Variants in CHST3 observed in about 807,000 individuals in gnomAD.
CHST3 encodes the protein C6ST-1.
Under a neutral mutation model 35.4 loss-of-function variants are expected in CHST3, and 20 were observed. The observed-to-expected ratio is 0.57, with a 90% CI of 0.40 to 0.82. The LOEUF is 0.82. Among genes scored for constraint, CHST3 ranks in the 40% least tolerant of loss-of-function variants. CHST3 has a pLI of 0.00. For synonymous variants in CHST3, 334 were observed against 295.9 expected, an observed-to-expected ratio of 1.13 and a Z score of -1.32; for missense variants, 693 against 670.1, an observed-to-expected ratio of 1.03 and a Z score of -0.38.
At chr10:71,992,817 C>T (rs952979587) in intron 1 of CHST3, among the ~76,000 whole-genome samples, 3 of 86,276 alleles carry the variant, frequency 3.5e-5, no homozygotes, top group African/African-American at 5.9e-5. Flanking sequence ...TCCGCCACCA[C>T]GCTTGGCTAA....
At chr10:71,991,435 C>A (rs1839895700) in intron 1 of CHST3, among the ~76,000 whole-genome samples, 1 of 152,188 alleles carries the variant, frequency 6.6e-6, no homozygotes, top group Non-Finnish European at 1.5e-5. Context: ...ATTATGTTCA[C>A]TCCAGACACA....
Position 72,012,256 on chromosome 10 carries a change from G to A in CHST3, c.*3785G>A, listed in dbSNP as rs1871450. The A allele has an allele frequency of 0.39, 59,481 of 151,996 alleles. 12,250 individuals carry two copies. Among genetic ancestry groups the A allele is most frequent in the Non-Finnish European group, 0.47 (32,186 of 68,000 alleles). 9.4% of individuals were successfully genotyped at this position (151,996 alleles called of 1,614,324 possible). A position where few individuals can be genotyped will look rare whatever the true frequency, so the allele number is the denominator to read the frequency against. ...GCAATGGAAGGAGCTTCAGCAGGAGGTCCTTCCCAGAAGGTTGATTCTTGG... is the reference window on the plus strand; with the variant it reads ...GCAATGGAAGGAGCTTCAGCAGGAGATCCTTCCCAGAAGGTTGATTCTTGG... On this transcript the variant is annotated 3_prime_UTR_variant, in exon 3 of 3. Transcript: ENST00000373115.
At chr10:71,976,889 A>G (rs1179801727) in intron 1 of CHST3, among the ~76,000 whole-genome samples, 3 of 152,230 alleles carry the variant, frequency 2.0e-5, no homozygotes, top group African/African-American at 4.8e-5. Flanking sequence ...AATCAATAAT[A>G]CATGTCCATG....
chr10:71,965,024 C>T (rs1282121232), intron 1 of CHST3, among the ~76,000 whole-genome samples: 8 of 152,198 alleles, frequency 5.3e-5, no homozygotes. Flanking sequence ...GGGATTTGGC[C>T]TCTACAGCAG....
In CHST3 at chr10:71,995,421, C is replaced by CA. The variant is rs35954993; in HGVS notation, c.-107-10296dup. On this transcript the variant is annotated intron_variant, in intron 1 of 2. Coordinates refer to ENST00000373115, the MANE Select transcript of CHST3 (RefSeq NM_004273.5). ...GCCTGGGCAGAGCGAGAGTCTGTCT[C>CA]AAAAAAAAAAAAAAAAAAAGAATTT... Among the ~76,000 whole-genome samples the CA allele has an allele frequency of 2.2e-3, 267 of 120,156 alleles. 1 individual carries two copies. Among genetic ancestry groups the CA allele is most frequent in the South Asian group, 9.0e-3 (31 of 3,462 alleles). 78.8% of individuals were successfully genotyped at this position (120,156 alleles called of 152,430 possible).
At chr10:71,965,431 C>T (rs549027920) in intron 1 of CHST3, among the ~76,000 whole-genome samples, 1 of 152,276 alleles carries the variant, frequency 6.6e-6, no homozygotes, top group South Asian at 2.1e-4. Flanking sequence ...AGGGACCCTT[C>T]CCCCCAGCGG....
intron 1 of CHST3, among the ~76,000 whole-genome samples, chr10:72,000,118 C>A (rs1042423531): frequency 7.2e-5 from 11 of 152,180 alleles, no homozygotes; most frequent in Non-Finnish European, 1.5e-4. Context: ...CACAGCCACT[C>A]ATGTATGGAG....
At chr10:71,979,031 T>TC (rs776114818) in intron 1 of CHST3, among the ~76,000 whole-genome samples, 3 of 152,206 alleles carry the variant, frequency 2.0e-5, no homozygotes, top group Non-Finnish European at 4.4e-5. Context: ...CCTGCATCCT[T>TC]CCTTCCTTTC....
At chr10:71,992,658 CTT>C (rs57408244) in intron 1 of CHST3, among the ~76,000 whole-genome samples, 15,767 of 111,426 alleles carry the variant, frequency 0.14, 2,171 homozygotes, top group African/African-American at 0.43. Flanking sequence ...ATGGAATATT[CTT>C]TTTTTTTTTT....
chr10:71,993,416 C>T (rs1839914859), intron 1 of CHST3, among the ~76,000 whole-genome samples: 1 of 152,252 alleles, frequency 6.6e-6, no homozygotes, highest in South Asian at 2.1e-4. Context: ...CCACTGAAGT[C>T]TTAAACCCCT....
chr10:71,965,645 G>T (rs933451052), intron 1 of CHST3, among the ~76,000 whole-genome samples: 1 of 152,234 alleles, frequency 6.6e-6, no homozygotes, highest in African/African-American at 2.4e-5. Flanking sequence ...AGGATGTACG[G>T]GGGATTGTCC....
intron 1 of CHST3, among the ~76,000 whole-genome samples, chr10:71,999,159 T>C (rs1218736510): frequency 6.6e-6 from 1 of 152,134 alleles, no homozygotes; most frequent in African/African-American, 2.4e-5. Context: ...ACCAAGGCAG[T>C]TGACATTGTG....
At chr10:71,998,503 C>T (rs1397452412) in intron 1 of CHST3, among the ~76,000 whole-genome samples, 2 of 152,204 alleles carry the variant, frequency 1.3e-5, no homozygotes, top group Non-Finnish European at 2.9e-5. Context: ...ACCTCTCCAA[C>T]CTGAGGTCCT....
chr10:72,007,530 C>A lies in CHST3; in HGVS notation c.499C>A (p.His167Asn). 1 of 1,604,622 alleles carries A rather than the reference C, an allele frequency of 6.2e-7. No homozygotes were observed. Among genetic ancestry groups the A allele is most frequent in the Non-Finnish European group, 8.5e-7 (1 of 1,179,786 alleles). ...CTTCTACCTCTTCGAGCCGCTGTGGCACATCGAGCGCACAGTGTCCTTCGA... is the reference window on the plus strand; with the variant it reads ...CTTCTACCTCTTCGAGCCGCTGTGGAACATCGAGCGCACAGTGTCCTTCGA... ...NIFYLFEPLW[H>N]IERTVSFEPG... The change falls in exon 3 of 3, where the codon CAC becomes AAC. Residue 167 changes from histidine (H) to asparagine (N), a missense_variant. Transcript: ENST00000373115.
intron 1 of CHST3, among the ~76,000 whole-genome samples, chr10:71,990,395 C>T (rs1480928708): frequency 1.3e-5 from 2 of 151,828 alleles, no homozygotes; most frequent in Non-Finnish European, 2.9e-5. Context: ...CGGAGTTTTG[C>T]TCTTGTTGCC....
Position 72,007,579 on chromosome 10 carries a change from G to C in CHST3, c.548G>C (p.Gly183Ala). ...SFEPGGANAA[G>A]SALVYRDVLK... ...GAGCCGGGGGGCGCCAACGCCGCGG[G>C]CTCGGCCCTGGTGTACCGCGACGTG... The change falls in exon 3 of 3, where the codon GGC becomes GCC. Residue 183 changes from glycine (G) to alanine (A), a missense_variant. By Grantham distance (60) the Gly-to-Ala change is moderately conservative. Transcript: ENST00000373115. 1 of 1,608,502 alleles carries C rather than the reference G, an allele frequency of 6.2e-7. No homozygotes were observed. The highest frequency in any genetic ancestry group is 8.5e-7 in the Non-Finnish European group (1 of 1,179,768).
At chr10:71,990,369 C>CT (rs138507392) in intron 1 of CHST3, among the ~76,000 whole-genome samples, 1,480 of 146,676 alleles carry the variant, frequency 0.01, 30 homozygotes, top group African/African-American at 0.032. Context: ...AATAATTTTT[C>CT]TTTTTTTTTT....
At chr10:72,002,870 G>C (rs919469710) in intron 1 of CHST3, among the ~76,000 whole-genome samples, 1 of 152,158 alleles carries the variant, frequency 6.6e-6, no homozygotes, top group Admixed American at 6.5e-5. Context: ...TTGGACAGCT[G>C]GTCTGTGCCA....
At chr10:71,983,730 C>T (rs751337146) in intron 1 of CHST3, among the ~76,000 whole-genome samples, 1 of 152,178 alleles carries the variant, frequency 6.6e-6, no homozygotes, top group African/African-American at 2.4e-5. Context: ...GGATTACAGG[C>T]GTGAGCCACT....
Sources: gnomAD v4.1 joint callset for allele counts (sites outside exome capture counted in the v4.1 genomes callset) on GRCh38, gnomAD v4.1.1 for gene constraint, MANE v1.5 for transcripts, NCBI Gene and HGNC (gene_info 2026-07-23, HGNC 2026-07-21) for gene names.